Variants in ZSCAN22 observed in about 807,000 individuals in gnomAD.
ZSCAN22 encodes zinc finger and SCAN domain containing 22, also known as zinc finger and SCAN domain-containing protein 22.
Under a neutral mutation model 12.4 loss-of-function variants are expected in ZSCAN22, and 7 were observed. The ratio of observed to expected loss-of-function variants is 0.57; its 90% confidence interval spans 0.32 to 1.06. The LOEUF (loss-of-function observed/expected upper bound fraction) is 1.06. Among genes scored for constraint, ZSCAN22 ranks in the 50% least tolerant of loss-of-function variants. The pLI is 0.04. For synonymous variants in ZSCAN22, 243 were observed against 255.9 expected (o/e 0.95, Z 0.48); for missense variants, 576 against 631.7 (o/e 0.91, Z 0.94).
In ZSCAN22 at chr19:58,329,216, G is replaced by A. The variant is rs1014554912; in HGVS notation, c.-52+2102G>A. Among the ~76,000 whole-genome samples the A allele has an allele frequency of 5.7e-5, 7 of 122,956 alleles. No individual in the cohort carries two copies. Among genetic ancestry groups the A allele is most frequent in the African/African-American group, 2.8e-4 (7 of 25,322 alleles). The allele number at this position is 122,956 out of a possible 152,430, so 80.7% of individuals were successfully genotyped here. On this transcript the variant is annotated intron_variant, in intron 1 of 2. Transcript: ENST00000329665. This position sits in a 1 kb window ranked among gnomAD's most constrained non-coding sequence, Gnocchi z 4.1. The stretch of plus-strand genomic sequence containing the variant: ...CCAGAGGCCACCAGAGGTCACCAGC[G>A]GTCACCAAAAGGTTTCAGGATTGGG...
At position 58,329,332 on chromosome 19, in the gene ZSCAN22, T is replaced by C. The variant is rs2051695646; in HGVS notation, c.-52+2218T>C. ...TGCATCTCTGTCCAGGGTGACTTCC[T>C]TGAGCAGAGACTCCAGGCACACTGA... On this transcript the variant is annotated intron_variant, in intron 1 of 2. Coordinates refer to ENST00000329665, the MANE Select transcript of ZSCAN22 (RefSeq NM_181846.3). The surrounding 1 kb of genome is among the most constrained non-coding windows in gnomAD (Gnocchi z 4.1). Among the ~76,000 whole-genome samples, 1 of 152,194 alleles carries C rather than the reference T, an allele frequency of 6.6e-6. No homozygotes were observed. The highest frequency in any genetic ancestry group is 2.4e-5 in the African/African-American group (1 of 41,458).
At position 58,339,563 on chromosome 19, in the gene ZSCAN22, A is replaced by T. The variant is rs1423577210; in HGVS notation, c.*237A>T. On this transcript the variant is annotated 3_prime_UTR_variant, in exon 3 of 3. Coordinates refer to ENST00000329665, the MANE Select transcript of ZSCAN22 (RefSeq NM_181846.3). The surrounding 1 kb of genome is among the most constrained non-coding windows in gnomAD (Gnocchi z 5.6). ...GCTTCCAGAAGGGCCCTGCACTGCT[A>T]CCCTCTATTTCCCACTCAGGGCTGT... 2 of 497,884 alleles carry T rather than the reference A, an allele frequency of 4.0e-6. No individual in the cohort carries two copies. Among genetic ancestry groups the T allele is most frequent in the Non-Finnish European group, 7.1e-6 (2 of 281,248 alleles). The allele number at this position is 497,884 out of a possible 1,614,324, so 30.8% of individuals were successfully genotyped here. A position where few individuals can be genotyped will look rare whatever the true frequency, so the allele number is the denominator to read the frequency against.
In ZSCAN22 at chr19:58,342,189, C is replaced by CA. The variant is rs1475878672; in HGVS notation, c.*2865dup. 1 of 152,242 alleles carries CA rather than the reference C, an allele frequency of 6.6e-6. No homozygotes were observed. The highest frequency in any genetic ancestry group is 1.5e-5 in the Non-Finnish European group (1 of 68,048). The allele number at this position is 152,242 out of a possible 1,614,324, so 9.4% of individuals were successfully genotyped here. ...ATTTATATACATCTCAGTCCTCACA[C>CA]AACCATCCCTGTTTTATAGAGGAGG... is the stretch of plus-strand genomic sequence containing the variant. On this transcript the variant is annotated 3_prime_UTR_variant, in exon 3 of 3. Coordinates refer to ENST00000329665, the MANE Select transcript of ZSCAN22 (RefSeq NM_181846.3).
In ZSCAN22 at chr19:58,341,464, T is replaced by A; in HGVS notation, c.*2138T>A. The A allele has an allele frequency of 6.6e-6, 1 of 152,234 alleles. No homozygotes were observed. The highest frequency in any genetic ancestry group is 1.9e-4 in the East Asian group (1 of 5,196). The allele number at this position is 152,234 out of a possible 1,614,324, so 9.4% of individuals were successfully genotyped here. On this transcript the variant is annotated 3_prime_UTR_variant, in exon 3 of 3. Transcript: ENST00000329665. ...CATATGTGAACCATTTGACCTGGCGTATTGTGTACTAGTCACCGTCACCAT... is the reference window on the plus strand; with the variant it reads ...CATATGTGAACCATTTGACCTGGCGAATTGTGTACTAGTCACCGTCACCAT...
chr19:58,336,093 C>T (rs2051793689), intron 2 of ZSCAN22, among the ~76,000 whole-genome samples: 1 of 152,178 alleles, frequency 6.6e-6, no homozygotes, highest in South Asian at 2.1e-4. Context: ...ATCATCAAGG[C>T]TCAGTAGATC....
In ZSCAN22 at chr19:58,335,389, A is replaced by G. The variant is rs2051785207; in HGVS notation, c.403+184A>G. On this transcript the variant is annotated intron_variant, in intron 2 of 2. Transcript: ENST00000329665. The surrounding 1 kb of genome is among the most constrained non-coding windows in gnomAD (Gnocchi z 4.1). ...GTTGCAGGTGACCAAAAGCGAGCTGAAATGGGCTGAAGCAAAGAAGGGTAA... is the reference window on the plus strand; with the variant it reads ...GTTGCAGGTGACCAAAAGCGAGCTGGAATGGGCTGAAGCAAAGAAGGGTAA... 6.6e-6 allele frequency among the ~76,000 whole-genome samples: 1 copy of G among 152,184 alleles called. No homozygotes were observed. Among genetic ancestry groups the G allele is most frequent in the Non-Finnish European group, 1.5e-5 (1 of 68,024 alleles).
At position 58,339,382 on chromosome 19, in the gene ZSCAN22, A is replaced by G; in HGVS notation, c.*56A>G. ...CGTCTTCTCGGAGGCTCGAGGTCTAAGAGAAACGCTGAGTTCCTGAAGAGC... is the reference window on the plus strand; with the variant it reads ...CGTCTTCTCGGAGGCTCGAGGTCTAGGAGAAACGCTGAGTTCCTGAAGAGC... On this transcript the variant is annotated 3_prime_UTR_variant, in exon 3 of 3. Coordinates refer to ENST00000329665, the MANE Select transcript of ZSCAN22 (RefSeq NM_181846.3). The surrounding 1 kb of genome is among the most constrained non-coding windows in gnomAD (Gnocchi z 5.6). The G allele has an allele frequency of 6.8e-7, 1 of 1,473,208 alleles. No individual in the cohort carries two copies. The highest frequency in any genetic ancestry group is 9.1e-7 in the Non-Finnish European group (1 of 1,097,032). The allele number at this position is 1,473,208 out of a possible 1,614,324, so 91.3% of individuals were successfully genotyped here.
At chr19:58,337,844 G>A (rs1239306877) in intron 2 of ZSCAN22, among the ~76,000 whole-genome samples, 5 of 151,800 alleles carry the variant, frequency 3.3e-5, no homozygotes, top group African/African-American at 4.8e-5. Context: ...GACGCAAGGT[G>A]TTGAGTGTGA....
rs1555778673 is a variant in ZSCAN22, at chr19:58,340,480, C to CTTTTCTTTTTTTTTCTT, written c.*1158_*1159insCTTTTTTTTTCTTTTTT. On this transcript the variant is annotated 3_prime_UTR_variant, in exon 3 of 3. Coordinates refer to ENST00000329665, the MANE Select transcript of ZSCAN22 (RefSeq NM_181846.3). Reference sequence around the variant, plus strand: ...CTTCTTTTTCTTTTTCTTTTCTTTTCTTTTTTTTTTTTTGAGATGGAGTCT... The same window carrying CTTTTCTTTTTTTTTCTT: ...CTTCTTTTTCTTTTTCTTTTCTTTTCTTTTCTTTTTTTTTCTTTTTTTTTTTTTTTGAGATGGAGTCT... 4.2e-5 allele frequency: 6 copies of CTTTTCTTTTTTTTTCTT among 142,128 alleles called. No homozygotes were observed. Among genetic ancestry groups the CTTTTCTTTTTTTTTCTT allele is most frequent in the Admixed American group, 3.7e-4 (5 of 13,504 alleles). 8.8% of individuals were successfully genotyped at this position (142,128 alleles called of 1,614,324 possible). A position where few individuals can be genotyped will look rare whatever the true frequency, so the allele number is the denominator to read the frequency against.
In ZSCAN22 at chr19:58,339,523, A is replaced by G. The variant is rs941063822; in HGVS notation, c.*197A>G. On this transcript the variant is annotated 3_prime_UTR_variant, in exon 3 of 3. Coordinates refer to ENST00000329665, the MANE Select transcript of ZSCAN22 (RefSeq NM_181846.3). The surrounding 1 kb of genome is among the most constrained non-coding windows in gnomAD (Gnocchi z 5.6). ...AACCCTGATGAGCACAAGGTGATTC[A>G]GGCCAGCTGGAGAAGCTTCCAGAAG... 12 of 572,246 alleles carry G rather than the reference A, an allele frequency of 2.1e-5. No homozygotes were observed. 35.4% of individuals were successfully genotyped at this position (572,246 alleles called of 1,614,324 possible).
In ZSCAN22 at chr19:58,334,823, C is replaced by T; in HGVS notation, c.21C>T (p.Ser7=). The T allele has an allele frequency of 1.9e-6, 3 of 1,608,756 alleles. No individual in the cohort carries two copies. The highest frequency in any genetic ancestry group is 2.5e-6 in the Non-Finnish European group (3 of 1,176,598). Residue 7 remains serine, a synonymous_variant, in exon 2 of 3, where the codon TCC becomes TCT. Coordinates refer to ENST00000329665, the MANE Select transcript of ZSCAN22 (RefSeq NM_181846.3). MAIPKH[S]LSPVPWEEDS... is the part of the protein sequence containing the mutation. ...GCCCGATGGCCATCCCCAAGCACTC[C>T]CTGAGCCCAGTGCCGTGGGAAGAGG... is the stretch of plus-strand genomic sequence containing the variant.
At chr19:58,327,209 G>C (rs544900028) in intron 1 of ZSCAN22, 95 bp downstream of exon 1, 1 of 152,714 alleles carries the variant, frequency 6.5e-6, no homozygotes, top group Non-Finnish European at 1.5e-5. Context: ...AGAGCGAGAT[G>C]CGGGGTACCG....
chr19:58,331,184 G>T (rs1455137144), intron 1 of ZSCAN22, among the ~76,000 whole-genome samples: 1 of 151,774 alleles, frequency 6.6e-6, no homozygotes, highest in Non-Finnish European at 1.5e-5. Context: ...ACTTAAATAA[G>T]GGAGAGAACA....
intron 1 of ZSCAN22, among the ~76,000 whole-genome samples, chr19:58,327,587 C>G (rs768318457): frequency 2.6e-5 from 4 of 152,252 alleles, no homozygotes; most frequent in East Asian, 1.9e-4. Flanking sequence ...GGTTCTGTGT[C>G]TGACACCTCT....
intron 1 of ZSCAN22, among the ~76,000 whole-genome samples, chr19:58,331,605 C>T (rs1032708871): frequency 1.2e-4 from 18 of 148,776 alleles, no homozygotes; most frequent in African/African-American, 4.4e-4. Flanking sequence ...AGTGCAGTGG[C>T]GTGATCTCGG....
In ZSCAN22 at chr19:58,334,869, G is replaced by T. The variant is rs2051773378; in HGVS notation, c.67G>T (p.Val23Leu). ...AGAGGACAGCTTCCTTCAAGTGAAGGTGGAGGAGGAAGAGGAAGCCAGCCT... is the reference window on the plus strand; with the variant it reads ...AGAGGACAGCTTCCTTCAAGTGAAGTTGGAGGAGGAAGAGGAAGCCAGCCT... ...WEEDSFLQVK[V>L]EEEEEASLSQ... Residue 23 changes from valine (V) to leucine (L), a missense_variant, in exon 2 of 3, where the codon GTG (valine) becomes TTG (leucine). Transcript: ENST00000329665. The T allele has an allele frequency of 1.2e-6, 2 of 1,613,762 alleles. No individual in the cohort carries two copies. Among genetic ancestry groups the T allele is most frequent in the Non-Finnish European group, 1.7e-6 (2 of 1,180,042 alleles).
chr19:58,331,454 A>G (rs1201877885), intron 1 of ZSCAN22, among the ~76,000 whole-genome samples: 2 of 150,976 alleles, frequency 1.3e-5, no homozygotes, highest in Admixed American at 6.6e-5. Context: ...TGACCTTGTG[A>G]TCCACCTGCC....
chr19:58,331,708 C>G (rs1408230451), intron 1 of ZSCAN22, among the ~76,000 whole-genome samples: 3 of 151,304 alleles, frequency 2.0e-5, no homozygotes, highest in Non-Finnish European at 2.9e-5. Context: ...CCACGCCCAG[C>G]TAATTTTTTT....
rs1303602667 is a variant in ZSCAN22, at chr19:58,339,337, C to T, written c.*11C>T. 1 of 1,579,562 alleles carries T rather than the reference C, an allele frequency of 6.3e-7. No individual in the cohort carries two copies. The highest frequency in any genetic ancestry group is 1.2e-5 in the South Asian group (1 of 86,490). On this transcript the variant is annotated 3_prime_UTR_variant, in exon 3 of 3. Coordinates refer to ENST00000329665, the MANE Select transcript of ZSCAN22 (RefSeq NM_181846.3). This position sits in a 1 kb window ranked among gnomAD's most constrained non-coding sequence, Gnocchi z 5.6. ...ACGGTGCTGCAATGACCGGAAGTCG[C>T]CCCTGGGGGCGTAGCACAGCGTCTT...
Sources: allele counts gnomAD v4.1 joint callset (sites outside exome capture counted in the v4.1 genomes callset), GRCh38; gene constraint gnomAD v4.1.1; non-coding constraint Gnocchi (gnomAD v3.1); transcripts MANE v1.5; gene names NCBI Gene and HGNC (gene_info 2026-07-23, HGNC 2026-07-21).